Variants in GPRC5D observed in about 807,000 individuals in gnomAD.
GPRC5D encodes the protein G protein-coupled receptor class C group 5 member D, also known as G protein-coupled receptor family C group 5 member D.
Under a neutral mutation model 29.3 loss-of-function variants are expected in GPRC5D, and 20 were observed. The ratio of observed to expected loss-of-function variants is 0.68; its 90% confidence interval spans 0.48 to 0.99. The LOEUF is 0.99. Among genes scored for constraint, GPRC5D ranks in the 50% least tolerant of loss-of-function variants. The pLI is 0.00. For synonymous variants in GPRC5D, 178 were observed against 171.3 expected (o/e 1.04, Z -0.30); for missense variants, 384 against 423.6 (o/e 0.91, Z 0.82).
rs150234777 is a variant in GPRC5D at position 12,949,833 on chromosome 12, T to C, written c.552A>G (p.Thr184=). 139 of 1,613,954 alleles carry C rather than the reference T, an allele frequency of 8.6e-5. 1 individual carries two copies. The African/African-American group carries it at 1.5e-3, about 17-fold the overall frequency. ...AGAAGGTGGCTTTGGAGACGAAGAA[T>C]GTGAGGGCCATCAGGAAGAGGACAT... is the stretch of plus-strand genomic sequence containing the variant. Residue 184 remains threonine, a synonymous_variant, in exon 1 of 3, where the codon ACA becomes ACG. Coordinates refer to ENST00000228887, the Ensembl canonical transcript of GPRC5D.
chr12:12,941,965 C>T (rs1447297297), intron 2 of GPRC5D, among the ~76,000 whole-genome samples: 1 of 152,228 alleles, frequency 6.6e-6, no homozygotes, highest in African/African-American at 2.4e-5. Flanking sequence ...GCCTGCTGCT[C>T]TTCACCTTCA....
At chr12:12,946,637 TAGAG>T (rs1185629294) in intron 1 of GPRC5D, among the ~76,000 whole-genome samples, 2 of 151,884 alleles carry the variant, frequency 1.3e-5, no homozygotes, top group African/African-American at 4.8e-5. Context: ...GTATTTTTAA[TAGAG>T]ATGGGGTTTT....
chr12:12,943,186 G>T (rs1282687902), intron 1 of GPRC5D, among the ~76,000 whole-genome samples: 2 of 152,186 alleles, frequency 1.3e-5, no homozygotes, highest in Non-Finnish European at 1.5e-5. Context: ...ATAGGTATTT[G>T]TTTAATGGCT....
At chr12:12,949,585 C>G (rs376715622) in exon 1 of GPRC5D, 4 of 1,613,544 alleles carry the variant, frequency 2.5e-6, no homozygotes, top group Non-Finnish European at 3.4e-6. Flanking sequence ...TCTACACGAT[C>G]TGTAGAGAAT....
chr12:12,949,779 A>T (rs1253092453), exon 1 of GPRC5D: 7 of 1,614,186 alleles, frequency 4.3e-6, no homozygotes, highest in Non-Finnish European at 5.9e-6. Flanking sequence ...TGAGCCTTCC[A>T]TGCTGCTTCC....
At chr12:12,949,505 G>T in exon 1 of GPRC5D, 1 of 1,613,338 alleles carries the variant, frequency 6.2e-7, no homozygotes, top group Non-Finnish European at 8.5e-7. Flanking sequence ...GAGAGCTCCT[G>T]GTTCTCCACT....
upstream of GPRC5D, among the ~76,000 whole-genome samples, chr12:12,951,049 G>A (rs953941801): frequency 2.0e-5 from 3 of 150,358 alleles, no homozygotes; most frequent in Admixed American, 6.6e-5. Context: ...GGCAGAGGTT[G>A]CAGTGAGCCA....
At chr12:12,948,286 G>C (rs752970510) in intron 1 of GPRC5D, 9 of 152,356 alleles carry the variant, frequency 5.9e-5, no homozygotes, top group Non-Finnish European at 1.2e-4. Context: ...ACAAAACTCA[G>C]TGATGTGATT....
exon 3 of GPRC5D, chr12:12,940,807 G>A: frequency 1.2e-6 from 2 of 1,608,784 alleles, no homozygotes; most frequent in African/African-American, 1.3e-5. Flanking sequence ...TGGGGGCTTA[G>A]TTTAGCCTGT....
Position 12,950,282 on chromosome 12 carries a change from C to T in GPRC5D, c.103G>A (p.Val35Met), listed in dbSNP as rs201926763. Reference sequence around the variant, plus strand: ...GCTAAGAGTAGCAGAATTGTGACCACGATGCCAAGTATGGCCAGGGACTCC... The same window carrying T: ...GCTAAGAGTAGCAGAATTGTGACCATGATGCCAAGTATGGCCAGGGACTCC... The change falls in exon 1 of 3, where the codon GTG becomes ATG. Residue 35 changes from valine (V) to methionine (M), a missense_variant. Physicochemically the swap from Val to Met is conservative, Grantham distance 21 (BLOSUM62 1). Transcript: ENST00000228887. 82 of 1,613,798 alleles carry T rather than the reference C, an allele frequency of 5.1e-5. No homozygotes were observed. Among genetic ancestry groups the T allele is most frequent in the East Asian group, 1.3e-4 (6 of 44,876 alleles).
intron 1 of GPRC5D, among the ~76,000 whole-genome samples, chr12:12,944,855 TTC>T (rs1401560165): frequency 3.0e-4 from 24 of 79,006 alleles, no homozygotes; most frequent in East Asian, 9.3e-4. Context: ...CCTTCCTTCT[TTC>T]TTTCTTTCTT....
upstream of GPRC5D, chr12:12,952,003 A>G (rs1194773692): frequency 1.3e-5 from 2 of 152,170 alleles, no homozygotes; most frequent in Non-Finnish European, 2.9e-5. Context: ...ATCAATTGCA[A>G]TTGAATACCC....
intron 1 of GPRC5D, among the ~76,000 whole-genome samples, chr12:12,943,224 TGAAGACAG>T (rs1863197935): frequency 6.6e-6 from 1 of 152,220 alleles, no homozygotes; most frequent in South Asian, 2.1e-4. Flanking sequence ...GTAAGCTCTG[TGAAGACAG>T]GAGCTGTGCC....
intron 1 of GPRC5D, among the ~76,000 whole-genome samples, chr12:12,944,802 C>CT (rs1565477010): frequency 1.6e-4 from 2 of 12,236 alleles, no homozygotes; most frequent in African/African-American, 3.6e-4. Context: ...CCTTCCTTCC[C>CT]TTCCTTCCTT....
Position 12,950,081 on chromosome 12 carries a change from GA to G in GPRC5D, c.303del (p.Leu102SerfsTer7). 1 of 1,614,004 alleles carries G rather than the reference GA, an allele frequency of 6.2e-7. No individual in the cohort carries two copies. The highest frequency in any genetic ancestry group is 8.5e-7 in the Non-Finnish European group (1 of 1,179,898). ...TGAGCTAAGAGGCATGAGAAACAGAGAGCAAAGAGAACCCCAAAGAGAAAGT... is the reference window on the plus strand; with the variant it reads ...TGAGCTAAGAGGCATGAGAAACAGAGGCAAAGAGAACCCCAAAGAGAAAGT... On this transcript the variant is annotated frameshift_variant, in exon 1 of 3. Transcript: ENST00000228887. LOFTEE classifies it high-confidence loss of function.
chr12:12,940,604 C>G (rs1863116404), downstream of GPRC5D, among the ~76,000 whole-genome samples: 1 of 152,068 alleles, frequency 6.6e-6, no homozygotes, highest in African/African-American at 2.4e-5. Flanking sequence ...TAATTATGCT[C>G]AAAATGGTGG....
At chr12:12,946,260 TTTCCTTTCTTCCTTCCTTCCTTCC>T (rs1281066901) in intron 1 of GPRC5D, among the ~76,000 whole-genome samples, 8,466 of 127,654 alleles carry the variant, frequency 0.066, 533 homozygotes, top group Middle Eastern at 0.095. Context: ...ATTTTCTTTC[TTTCCTTTCTTCCTTCCTTCCTTCC>T]TTCCTTTCTT....
upstream of GPRC5D, chr12:12,950,493 G>T: frequency 1.3e-6 from 1 of 771,348 alleles, no homozygotes; most frequent in Non-Finnish European, 2.1e-6. Flanking sequence ...AAAAGTAATT[G>T]TGCTTTTTGC....
intron 1 of GPRC5D, among the ~76,000 whole-genome samples, chr12:12,949,041 T>C (rs1014424966): frequency 1.3e-5 from 2 of 152,186 alleles, no homozygotes; most frequent in African/African-American, 2.4e-5. Context: ...TTGGGCAAAT[T>C]AGCTTTGAGA....
Sources: allele counts gnomAD v4.1 joint callset (sites outside exome capture counted in the v4.1 genomes callset), GRCh38; gene constraint gnomAD v4.1.1; transcripts MANE v1.5; gene names NCBI Gene and HGNC (gene_info 2026-07-23, HGNC 2026-07-21).